The following LRRTM4 variants were observed in gnomAD, a reference collection of about 807,000 sequenced individuals.
LRRTM4 encodes leucine rich repeat transmembrane neuronal 4.
A neutral mutation model predicts 47.6 loss-of-function variants in LRRTM4; 25 were observed. The observed-to-expected ratio is 0.53, with a 90% CI of 0.38 to 0.73. LRRTM4 has a LOEUF of 0.73. LRRTM4 is among the 30% of genes least tolerant of loss of function. The probability of loss-of-function intolerance (pLI) is 0.00; values close to 1 mark genes in which losing one functional copy is unlikely to be tolerated. For missense variants in LRRTM4, 638 were observed against 713.4 expected (o/e 0.89, Z 1.20); for synonymous variants, 311 against 269.5 (o/e 1.15, Z -1.51).
chr2:76,911,196 G>T (rs1474590213), intron 3 of LRRTM4, among the ~76,000 whole-genome samples: 1 of 152,176 alleles, frequency 6.6e-6, no homozygotes, highest in Non-Finnish European at 1.5e-5. Context: ...TACCGAGTTT[G>T]AAAAGGAAAC....
Position 77,158,303 on chromosome 2 carries a change from G to C in LRRTM4, c.1551+360015C>G, listed in dbSNP as rs563399633. 1.7e-3 allele frequency among the ~76,000 whole-genome samples: 253 copies of C among 152,234 alleles called. 1 individual carries two copies. The Middle Eastern group carries it at 0.02, about 12-fold the overall frequency. The stretch of plus-strand genomic sequence containing the variant: ...AGATTTAATTTTGTATTTCCCACTA[G>C]GAGTGTGGATTTCTCAATTTCTCAT... On this transcript the variant is annotated intron_variant, in intron 3 of 3. Coordinates refer to ENST00000409884, the MANE Select transcript of LRRTM4 (RefSeq NM_001134745.3).
At chr2:76,811,255 G>T (rs927222543) in intron 3 of LRRTM4, among the ~76,000 whole-genome samples, 3 of 152,150 alleles carry the variant, frequency 2.0e-5, no homozygotes, top group Admixed American at 2.0e-4. Flanking sequence ...TTTCAAGAGT[G>T]CATGAATTAA....
At chr2:77,435,666 A>T (rs1045429228) in intron 3 of LRRTM4, among the ~76,000 whole-genome samples, 1 of 152,200 alleles carries the variant, frequency 6.6e-6, no homozygotes, top group South Asian at 2.1e-4. Context: ...GAGTGAATAT[A>T]ATACTTCCTA....
At chr2:77,019,156 A>G (rs1678177728) in intron 3 of LRRTM4, among the ~76,000 whole-genome samples, 1 of 151,450 alleles carries the variant, frequency 6.6e-6, no homozygotes, top group Admixed American at 6.6e-5. Context: ...ATAGAGAGTC[A>G]GAATATAGCT....
In LRRTM4 at chr2:77,388,862, T is replaced by C. The variant is rs909585843; in HGVS notation, c.1551+129456A>G. On this transcript the variant is annotated intron_variant, in intron 3 of 3. Transcript: ENST00000409884. ...TTGCATAAATATATATATTCTTGCA[T>C]ATATATTTTTACTTTAAAGTTTCAT... Among the ~76,000 whole-genome samples, 6 of 152,060 alleles carry C rather than the reference T, an allele frequency of 3.9e-5. No individual in the cohort carries two copies. The East Asian group carries it at 1.2e-3, about 29-fold the overall frequency.
chr2:77,274,310 T>C (rs1389652724), intron 3 of LRRTM4, among the ~76,000 whole-genome samples: 1 of 152,168 alleles, frequency 6.6e-6, no homozygotes, highest in East Asian at 1.9e-4. Context: ...CTTTCAGTGA[T>C]TTTAAATGTA....
chr2:77,260,179 G>T (rs907362276), intron 3 of LRRTM4, among the ~76,000 whole-genome samples: 8 of 151,970 alleles, frequency 5.3e-5, no homozygotes, highest in African/African-American at 1.9e-4. Flanking sequence ...GAATACTCAG[G>T]TTTACAAATA....
intron 3 of LRRTM4, among the ~76,000 whole-genome samples, chr2:77,219,228 C>A (rs1314086545): frequency 6.6e-6 from 1 of 152,110 alleles, no homozygotes; most frequent in Non-Finnish European, 1.5e-5. Flanking sequence ...TTTCGGAGAC[C>A]TAATCCTGTG....
At chr2:77,492,176 T>A (rs1394627031) in intron 3 of LRRTM4, among the ~76,000 whole-genome samples, 8 of 152,092 alleles carry the variant, frequency 5.3e-5, no homozygotes, top group South Asian at 2.1e-4. Context: ...TATTAGAAAA[T>A]TTTTTAAGTC....
chr2:77,249,322 C>G (rs1474290178), intron 3 of LRRTM4, among the ~76,000 whole-genome samples: 3 of 151,828 alleles, frequency 2.0e-5, no homozygotes, highest in Non-Finnish European at 4.4e-5. Flanking sequence ...TACACTCCAG[C>G]CTGGGTGACA....
chr2:77,367,529 T>A (rs1359281076), intron 3 of LRRTM4, among the ~76,000 whole-genome samples: 1 of 151,892 alleles, frequency 6.6e-6, no homozygotes, highest in Non-Finnish European at 1.5e-5. Flanking sequence ...GTTTTCACCC[T>A]TTTTTGCTCC....
chr2:77,412,635 G>A (rs1674488158), intron 3 of LRRTM4, among the ~76,000 whole-genome samples: 1 of 152,172 alleles, frequency 6.6e-6, no homozygotes, highest in African/African-American at 2.4e-5. Flanking sequence ...CAGTCTGTAA[G>A]TGTAACCCTG....
At chr2:77,056,491 T>A (rs76860855) in intron 3 of LRRTM4, among the ~76,000 whole-genome samples, 1,639 of 151,896 alleles carry the variant, frequency 0.011, 40 homozygotes, top group African/African-American at 0.037. Context: ...TATAACAGAA[T>A]ACATAATAAA....
At chr2:76,855,696 G>A (rs1001404935) in intron 3 of LRRTM4, among the ~76,000 whole-genome samples, 1 of 152,160 alleles carries the variant, frequency 6.6e-6, no homozygotes, top group Non-Finnish European at 1.5e-5. Flanking sequence ...TGAGTCTAGA[G>A]AGTGGGTCTG....
chr2:77,300,704 A>C (rs6751989), intron 3 of LRRTM4, among the ~76,000 whole-genome samples: 1,593 of 152,272 alleles, frequency 0.01, 26 homozygotes, highest in African/African-American at 0.036. Context: ...GATCTGAGGA[A>C]CATATTTAAT....
intron 3 of LRRTM4, among the ~76,000 whole-genome samples, chr2:77,081,877 C>T (rs2103857746): frequency 6.6e-6 from 1 of 152,190 alleles, no homozygotes; most frequent in African/African-American, 2.4e-5. Flanking sequence ...GTCACAAAAT[C>T]TATTAGAGAA....
At chr2:76,946,795 C>T (rs917357857) in intron 3 of LRRTM4, among the ~76,000 whole-genome samples, 11 of 151,720 alleles carry the variant, frequency 7.3e-5, no homozygotes, top group African/African-American at 1.9e-4. Context: ...AAAAAGTGGA[C>T]GTTTTTATTC....
intron 3 of LRRTM4, among the ~76,000 whole-genome samples, chr2:77,416,618 G>A (rs966932052): frequency 4.6e-5 from 7 of 151,932 alleles, no homozygotes; most frequent in Admixed American, 1.3e-4. Flanking sequence ...ATTGTCAAAA[G>A]TTATCTCTAA....
intron 3 of LRRTM4, among the ~76,000 whole-genome samples, chr2:77,404,788 C>T (rs538500339): frequency 3.9e-5 from 6 of 152,096 alleles, no homozygotes; most frequent in East Asian, 3.9e-4. Context: ...TTATTTGATC[C>T]GCCTATATCA....
Sources: gnomAD v4.1 joint callset for allele counts (sites outside exome capture counted in the v4.1 genomes callset) on GRCh38, gnomAD v4.1.1 for gene constraint, MANE v1.5 for transcripts, NCBI Gene and HGNC (gene_info 2026-07-23, HGNC 2026-07-21) for gene names.